Variants in LRRK2 observed in about 807,000 individuals in gnomAD.
LRRK2 encodes leucine-rich repeat serine/threonine-protein kinase 2.
In LRRK2, 203 loss-of-function variants were observed where a neutral mutation model predicts 302.6. The observed-to-expected ratio is 0.67, with a 90% confidence interval of 0.60 to 0.75. The LOEUF (loss-of-function observed/expected upper bound fraction) is 0.75, where lower values mean the gene tolerates loss of function less well. Among genes scored for constraint, LRRK2 ranks in the 30% least tolerant of loss-of-function variants. The probability of loss-of-function intolerance (pLI) is 0.00; values close to 1 mark genes in which losing one functional copy is unlikely to be tolerated. For synonymous variants in LRRK2, 1,066 were observed against 1,031.9 expected (o/e 1.03, Z -0.63); for missense variants, 2,830 against 2,951.0 (o/e 0.96, Z 0.95).
At position 40,280,450 on chromosome 12, in the gene LRRK2, C is replaced by A. The variant is rs531673575; in HGVS notation, c.2241+2189C>A. On this transcript the variant is annotated intron_variant, in intron 18 of 50. Transcript: ENST00000298910. ...ACCAGCCTGGGCAACATAGTTAGAC[C>A]CCCATGTCTACAAAAAGTCAAAAAA... Among the ~76,000 whole-genome samples the A allele has an allele frequency of 3.3e-5, 5 of 151,198 alleles. No homozygotes were observed. The South Asian group carries it at 1.0e-3, about 32-fold the overall frequency.
intron 40 of LRRK2, among the ~76,000 whole-genome samples, chr12:40,339,514 G>A (rs1170658583): frequency 6.6e-6 from 1 of 152,124 alleles, no homozygotes; most frequent in Non-Finnish European, 1.5e-5. Flanking sequence ...TGCCTGAAAT[G>A]TCCAACTCTA....
intron 27 of LRRK2, chr12:40,304,908 C>G (rs2136788137): frequency 6.6e-6 from 1 of 152,094 alleles, no homozygotes; most frequent in South Asian, 2.1e-4. Flanking sequence ...GAATGTGATG[C>G]TGTGTGTCAT....
intron 31 of LRRK2, chr12:40,312,699 C>G (rs1159952265): frequency 6.6e-6 from 1 of 152,042 alleles, no homozygotes; most frequent in Non-Finnish European, 1.5e-5. Flanking sequence ...TTAATCTTGT[C>G]CAGCCCATTA....
At chr12:40,237,942 C>G in intron 4 of LRRK2, 27 bp from the exon 5 acceptor site, 1 of 1,597,842 alleles carries the variant, frequency 6.3e-7, no homozygotes, top group Non-Finnish European at 8.6e-7. Flanking sequence ...GCTCTTTACT[C>G]AGAGCATATT....
chr12:40,323,790 C>T (rs1291707555), intron 38 of LRRK2, among the ~76,000 whole-genome samples: 2 of 118,218 alleles, frequency 1.7e-5, no homozygotes, highest in Non-Finnish European at 3.4e-5. Flanking sequence ...TGGTGACATA[C>T]TCAAATACTT....
In LRRK2 at chr12:40,256,934, C is replaced by A. The variant is rs183109315; in HGVS notation, c.1289-314C>A. 1.2e-3 allele frequency among the ~76,000 whole-genome samples: 187 copies of A among 152,208 alleles called. 1 individual carries two copies. The highest frequency in any genetic ancestry group is 4.0e-3 in the African/African-American group (167 of 41,552). On this transcript the variant is annotated intron_variant, in intron 11 of 50. Transcript: ENST00000298910. The stretch of plus-strand genomic sequence containing the variant: ...TGGAGACCATTATTTAAACAGATTT[C>A]TTTTTTCCTGCAAAAACACTCTTTT...
Position 40,364,884 on chromosome 12 carries a change from G to A in LRRK2, c.7224G>A (p.Met2408Ile), listed in dbSNP as rs60545352. The change falls in exon 49 of 51, where the codon ATG becomes ATA. Residue 2408 changes from methionine (M) to isoleucine (I), a missense_variant. Physicochemically the swap from Met to Ile is conservative, Grantham distance 10. Around this residue, in one of 3 missense-constraint regions of LRRK2, gnomAD observed 456 missense variants for 456.3 expected, o/e 1.00. Coordinates refer to ENST00000298910, the MANE Select transcript of LRRK2 (RefSeq NM_198578.4). The stretch of plus-strand genomic sequence containing the variant: ...AAAACAAGGAATCAAAACACAAAAT[G>A]TCTTATTCTGGGAGAGTGAAAACCC... ...VKENKESKHK[M>I]SYSGRVKTLC... 2.4e-5 allele frequency: 38 copies of A among 1,612,146 alleles called. No individual in the cohort carries two copies. The highest frequency in any genetic ancestry group is 1.6e-4 in the Middle Eastern group (1 of 6,070).
intron 42 of LRRK2, among the ~76,000 whole-genome samples, chr12:40,347,128 T>G (rs1210622670): frequency 6.6e-6 from 1 of 152,178 alleles, no homozygotes; most frequent in Non-Finnish European, 1.5e-5. Context: ...AATCCGCAAT[T>G]AATATTGGTG....
intron 12 of LRRK2, among the ~76,000 whole-genome samples, chr12:40,259,255 T>C (rs1453617336): frequency 1.3e-5 from 2 of 152,190 alleles, no homozygotes. Context: ...TTGTTAGTTT[T>C]ATGAAGTGAA....
chr12:40,316,381 G>T (rs1479069412), intron 33 of LRRK2: 1 of 974,344 alleles, frequency 1.0e-6, no homozygotes. Context: ...ATTATTTGCA[G>T]TGTGTCAGTT....
Position 40,299,229 on chromosome 12 carries a change from G to T in LRRK2, c.3468G>T (p.Glu1156Asp), listed in dbSNP as rs954283175. ...TTCTTGAGGCTTGTCCTAAAGTGGA[G>T]AGTTTCAGTGCCAGAATGAATTTTC... Reference protein sequence around the residue: ...ENFLEACPKVESFSARMNFLA... With the variant: ...ENFLEACPKVDSFSARMNFLA... The change falls in exon 25 of 51, where the codon GAG becomes GAT. Residue 1156 changes from glutamate (E) to aspartate (D), a missense_variant. By Grantham distance (45) the Glu-to-Asp change is conservative. Transcript: ENST00000298910. The T allele has an allele frequency of 6.2e-7, 1 of 1,613,444 alleles. No individual in the cohort carries two copies. Among genetic ancestry groups the T allele is most frequent in the African/African-American group, 1.3e-5 (1 of 74,950 alleles).
chr12:40,244,992 G>T (rs1941912918), intron 7 of LRRK2, among the ~76,000 whole-genome samples: 1 of 144,644 alleles, frequency 6.9e-6, no homozygotes, highest in African/African-American at 2.6e-5. Context: ...ACAGTTTTTT[G>T]CAAGAGTGAA....
At chr12:40,331,265 C>G (rs940819766) in intron 39 of LRRK2, among the ~76,000 whole-genome samples, 14 of 152,130 alleles carry the variant, frequency 9.2e-5, no homozygotes, top group African/African-American at 3.1e-4. Flanking sequence ...GTTCAAGTTA[C>G]CACTTTCTGA....
chr12:40,311,573 T>C (rs1346123421), intron 31 of LRRK2, among the ~76,000 whole-genome samples: 1 of 152,220 alleles, frequency 6.6e-6, no homozygotes, highest in African/African-American at 2.4e-5. Flanking sequence ...TATGTAATAG[T>C]GTCCCACTAT....
chr12:40,303,577 A>G (rs973728497), intron 26 of LRRK2, among the ~76,000 whole-genome samples: 2 of 152,108 alleles, frequency 1.3e-5, no homozygotes, highest in African/African-American at 4.8e-5. Context: ...TAGGCAAATA[A>G]TAATTAGAAT....
rs781507516 is a variant in LRRK2, at chr12:40,259,631, G to A, written c.1543+27G>A. 6 of 1,612,010 alleles carry A rather than the reference G, an allele frequency of 3.7e-6. No individual in the cohort carries two copies. In the East Asian group the frequency reaches 1.3e-4, roughly 36 times the overall value. On this transcript the variant is annotated intron_variant, in intron 13 of 50. Transcript: ENST00000298910. Reference sequence around the variant, plus strand: ...TAAGTTACATAGTTGATTGTGGGAAGAGATAACAATTTAAATGGATTTTTG... The same window carrying A: ...TAAGTTACATAGTTGATTGTGGGAAAAGATAACAATTTAAATGGATTTTTG...
At chr12:40,284,474 T>A (rs1181061854) in intron 19 of LRRK2, among the ~76,000 whole-genome samples, 1 of 137,428 alleles carries the variant, frequency 7.3e-6, no homozygotes, top group Admixed American at 7.0e-5. Context: ...TTATTTTATC[T>A]CTTATAAGTA....
intron 34 of LRRK2, 137 bp from the exon 35 acceptor site, chr12:40,320,897 G>A (rs1945382700): frequency 1.9e-6 from 2 of 1,073,706 alleles, no homozygotes; most frequent in Non-Finnish European, 2.8e-6. Flanking sequence ...GGAAAAATAT[G>A]TAGTGAAACA....
chr12:40,285,669 G>GA (rs1645977360), intron 19 of LRRK2, among the ~76,000 whole-genome samples: 2 of 151,322 alleles, frequency 1.3e-5, no homozygotes, highest in Non-Finnish European at 2.9e-5. Flanking sequence ...AAAAGAGTAG[G>GA]AAAAAAACCT....
Sources: allele counts gnomAD v4.1 joint callset (sites outside exome capture counted in the v4.1 genomes callset), GRCh38; gene constraint gnomAD v4.1.1; regional missense constraint gnomAD v4.1.1; transcripts MANE v1.5; gene names NCBI Gene and HGNC (gene_info 2026-07-23, HGNC 2026-07-21).